CACNG2: variants seen among roughly 807,000 people sequenced by gnomAD.
The protein encoded by CACNG2 is calcium voltage-gated channel auxiliary subunit gamma 2.
In CACNG2, 3 loss-of-function variants were observed where a neutral mutation model predicts 25.9. The ratio of observed to expected loss-of-function variants is 0.12; its 90% CI spans 0.05 to 0.30. The LOEUF (loss-of-function observed/expected upper bound fraction) is 0.30. Ranked by LOEUF, CACNG2 falls within the 10% of genes least tolerant of loss-of-function variation. The pLI, the probability that CACNG2 is intolerant of heterozygous loss-of-function variation, is 1.00. For synonymous variants in CACNG2, 167 were observed against 173.3 expected (o/e 0.96, Z 0.29); for missense variants, 341 against 432.5 (o/e 0.79, Z 1.88).
chr22:36,587,356 C>T (rs1935521265), intron 2 of CACNG2, 109 bp downstream of exon 2: 9 of 828,052 alleles, frequency 1.1e-5, no homozygotes, highest in South Asian at 8.0e-5. Context: ...TTTTTCCTGC[C>T]CTCTGCTGTG....
chr22:36,573,631 C>G (rs745689823), intron 2 of CACNG2, among the ~76,000 whole-genome samples: 1 of 152,140 alleles, frequency 6.6e-6, no homozygotes, highest in Non-Finnish European at 1.5e-5. Flanking sequence ...CACACATGGC[C>G]TATATAGGTA....
chr22:36,682,899 G>A (rs1026414769), intron 1 of CACNG2, among the ~76,000 whole-genome samples: 47 of 152,224 alleles, frequency 3.1e-4, no homozygotes, highest in African/African-American at 1.1e-3. Flanking sequence ...CTATGGAAGT[G>A]TTTTCCTTCA....
At chr22:36,650,988 TAA>T (rs763154957) in intron 1 of CACNG2, among the ~76,000 whole-genome samples, 1 of 152,204 alleles carries the variant, frequency 6.6e-6, no homozygotes, top group Non-Finnish European at 1.5e-5. Flanking sequence ...ACTTTCTTAC[TAA>T]AGTCTTCCCT....
chr22:36,603,121 C>T (rs1359932889), intron 1 of CACNG2, among the ~76,000 whole-genome samples: 1 of 152,226 alleles, frequency 6.6e-6, no homozygotes, highest in Non-Finnish European at 1.5e-5. Flanking sequence ...GTTAAAAGTG[C>T]TACTCTCTAT....
intron 1 of CACNG2, among the ~76,000 whole-genome samples, chr22:36,679,136 C>CCGTTCCTTCCTT (rs1937053450): frequency 3.1e-5 from 4 of 128,364 alleles, no homozygotes; most frequent in African/African-American, 1.2e-4. Flanking sequence ...TGGATTTTCT[C>CCGTTCCTTCCTT]CCTTCCTTCC....
chr22:36,586,247 C>A (rs1327655283), intron 2 of CACNG2, among the ~76,000 whole-genome samples: 1 of 152,272 alleles, frequency 6.6e-6, no homozygotes, highest in African/African-American at 2.4e-5. Context: ...AGGAGCTCAA[C>A]CCACGTTTAC....
chr22:36,657,514 T>G (rs1601440126), intron 1 of CACNG2, among the ~76,000 whole-genome samples: 1 of 152,152 alleles, frequency 6.6e-6, no homozygotes, highest in Non-Finnish European at 1.5e-5. Flanking sequence ...GGAGCCCGGC[T>G]GGAGGACACG....
intron 1 of CACNG2, among the ~76,000 whole-genome samples, chr22:36,661,376 G>A (rs769495409): frequency 1.3e-5 from 2 of 152,190 alleles, no homozygotes; most frequent in Non-Finnish European, 2.9e-5. Flanking sequence ...GTGTGGACTT[G>A]CCCTCCCATC....
chr22:36,643,202 CCTTCCTTCCTTCCTTG>C (rs954797818), intron 1 of CACNG2, among the ~76,000 whole-genome samples: 4 of 147,286 alleles, frequency 2.7e-5, no homozygotes, highest in African/African-American at 1.0e-4. Flanking sequence ...CTTTCTTTCT[CCTTCCTTCCTTCCTTG>C]CTTCCTTCCT....
chr22:36,670,630 T>TG (rs1555900629), intron 1 of CACNG2, among the ~76,000 whole-genome samples: 2 of 151,198 alleles, frequency 1.3e-5, no homozygotes, highest in African/African-American at 2.4e-5. Context: ...TGTTTTTGTT[T>TG]TTTTGTTTTG....
intron 1 of CACNG2, among the ~76,000 whole-genome samples, chr22:36,679,785 A>G (rs139160079): frequency 6.6e-6 from 1 of 152,310 alleles, no homozygotes; most frequent in East Asian, 1.9e-4. Context: ...GAACTTGGTT[A>G]GAAATAGTTG....
chr22:36,588,717 G>C (rs577853180), intron 1 of CACNG2, among the ~76,000 whole-genome samples: 1 of 152,182 alleles, frequency 6.6e-6, no homozygotes, highest in African/African-American at 2.4e-5. Context: ...TTGTCGTGGA[G>C]GTTCACTGAG....
intron 1 of CACNG2, among the ~76,000 whole-genome samples, chr22:36,615,261 A>C (rs1936005821): frequency 6.6e-6 from 1 of 152,246 alleles, no homozygotes; most frequent in South Asian, 2.1e-4. Flanking sequence ...GGAATCTCAC[A>C]GATAAGACTA....
chr22:36,674,764 T>C (rs1936999989), intron 1 of CACNG2, among the ~76,000 whole-genome samples: 1 of 152,210 alleles, frequency 6.6e-6, no homozygotes, highest in African/African-American at 2.4e-5. Context: ...CACTGTGCTA[T>C]GCCACTGGGA....
Position 36,564,729 on chromosome 22 carries a change from C to T in CACNG2, c.594G>A (p.Val198=). The T allele has an allele frequency of 1.9e-6, 3 of 1,614,204 alleles. No individual in the cohort carries two copies. Among genetic ancestry groups the T allele is most frequent in the Non-Finnish European group, 2.5e-6 (3 of 1,180,036 alleles). Residue 198 remains valine (V), a synonymous_variant, in exon 4 of 4, where the codon GTG becomes GTA. Coordinates refer to ENST00000300105, the MANE Select transcript of CACNG2 (RefSeq NM_006078.5). This position sits in a 1 kb window ranked among gnomAD's most constrained non-coding sequence, Gnocchi z 6.7. The part of the protein sequence containing the change: ...IIAEMVGVLA[V]HMFIDRHKQL... ...GTTTGTGCCGGTCGATAAACATGTG[C>T]ACCGCCAGCACCCCGACCATCTCGG...
intron 1 of CACNG2, among the ~76,000 whole-genome samples, chr22:36,689,146 T>A (rs1385862645): frequency 6.6e-6 from 1 of 152,146 alleles, no homozygotes; most frequent in Non-Finnish European, 1.5e-5. Context: ...ATCAAGTCCC[T>A]GAGCTCACTG....
chr22:36,581,532 T>C lies in CACNG2; in HGVS notation c.295+5933A>G, dbSNP rs116207849. On this transcript the variant is annotated intron_variant, in intron 2 of 3. Transcript: ENST00000300105. ...GAACTGCTGTCCAGCCATGCTCTTC[T>C]GGCATTCTCTGTCCTCCCTCTCTGC... Among the ~76,000 whole-genome samples, 1,444 of 152,318 alleles carry C rather than the reference T, an allele frequency of 9.5e-3. 26 individuals are homozygous for C. The highest frequency in any genetic ancestry group is 0.033 in the African/African-American group (1,364 of 41,558).
intron 1 of CACNG2, among the ~76,000 whole-genome samples, chr22:36,608,944 C>G (rs1402983421): frequency 6.6e-6 from 1 of 152,112 alleles, no homozygotes; most frequent in African/African-American, 2.4e-5. Flanking sequence ...ATTATCAAAT[C>G]TAGAAAAAGA....
intron 1 of CACNG2, among the ~76,000 whole-genome samples, chr22:36,689,429 A>G (rs1937241743): frequency 6.6e-6 from 1 of 152,240 alleles, no homozygotes; most frequent in Non-Finnish European, 1.5e-5. Context: ...GAGACTGGGA[A>G]GAGGAAGGGC....
Sources: gnomAD v4.1 joint callset for allele counts (sites outside exome capture counted in the v4.1 genomes callset) on GRCh38, gnomAD v4.1.1 for gene constraint, Gnocchi (gnomAD v3.1) non-coding constraint, MANE v1.5 for transcripts, NCBI Gene and HGNC (gene_info 2026-07-23, HGNC 2026-07-21) for gene names.